SMC1A: variants seen among roughly 807,000 people sequenced by gnomAD.
The protein encoded by SMC1A is structural maintenance of chromosomes protein 1A.
A neutral mutation model predicts 94.5 loss-of-function variants in SMC1A; 4 were observed. The observed-to-expected ratio is 0.04, with a 90% CI of 0.02 to 0.10. The LOEUF (loss-of-function observed/expected upper bound fraction) is 0.10, where lower values mean the gene tolerates loss of function less well. SMC1A is among the 10% of genes least tolerant of loss of function. The probability of loss-of-function intolerance (pLI) is 1.00; values close to 1 mark genes in which losing one functional copy is unlikely to be tolerated. For synonymous variants in SMC1A, 345 were observed against 347.7 expected, an observed-to-expected ratio of 0.99 and a Z score of 0.09; for missense variants, 304 against 989.0, an observed-to-expected ratio of 0.31 and a Z score of 9.29.
chrX:53,383,137 C>T lies in SMC1A; in HGVS notation c.3090G>A (p.Lys1030=). 2.5e-6 allele frequency: 3 copies of T among 1,208,924 alleles called. No homozygotes were observed. The highest frequency in any genetic ancestry group is 3.4e-6 in the Non-Finnish European group (3 of 894,056). The part of the protein sequence containing the change: ...IAAPNMKAME[K]LESVRDKFQE... ...GGAACTTGTCTCGGACACTTTCCAG[C>T]TTTTCCATGGCCTTCATGTTGGGGG... Residue 1030 remains lysine, a synonymous_variant, in exon 20 of 25, where the codon AAG becomes AAA. Transcript: ENST00000322213.
intron 19 of SMC1A, among the ~76,000 whole-genome samples, chrX:53,385,847 TAAATC>T (rs1184688983): frequency 1.8e-5 from 2 of 112,011 alleles, no homozygotes; most frequent in Admixed American, 1.9e-4. Flanking sequence ...AAAGCAAAAT[TAAATC>T]AAAATGTGAA....
At chrX:53,381,123 C>T (rs372885975) in intron 22 of SMC1A, 36 bp from the exon 23 acceptor site, 58 of 376,834 alleles carry the variant, frequency 1.5e-4, no homozygotes, top group Non-Finnish European at 2.6e-4. Flanking sequence ...GACACTGAGG[C>T]GGGGAGGGGG....
At chrX:53,408,970 G>C (rs1447136071) in intron 9 of SMC1A, 92 bp downstream of exon 9, 7 of 864,056 alleles carry the variant, frequency 8.1e-6, no homozygotes, top group Admixed American at 2.3e-5. Context: ...AATAAAAATG[G>C]GATTGGCAAC....
intron 16 of SMC1A, among the ~76,000 whole-genome samples, chrX:53,397,372 G>A (rs1461134336): frequency 9.0e-6 from 1 of 111,606 alleles, no homozygotes; most frequent in African/African-American, 3.3e-5. Flanking sequence ...CTTGAGCCCA[G>A]GAGTTCGAGA....
In SMC1A at chrX:53,396,459, T is replaced by C. The variant is rs782266644; in HGVS notation, c.2708+13A>G. On this transcript the variant is annotated intron_variant, in intron 17 of 24. Coordinates refer to ENST00000322213, the MANE Select transcript of SMC1A (RefSeq NM_006306.4). ...TATCTACGTCCTCCCACCCCAGGCC[T>C]GAACCCACTCACTTGTTGGCGCCCC... 6 of 1,209,134 alleles carry C rather than the reference T, an allele frequency of 5.0e-6. No homozygotes were observed. The highest frequency in any genetic ancestry group is 4.4e-5 in the Admixed American group (2 of 45,591).
chrX:53,400,051 A>G (rs954137386), intron 15 of SMC1A, among the ~76,000 whole-genome samples: 3 of 112,018 alleles, frequency 2.7e-5, no homozygotes, highest in Non-Finnish European at 3.8e-5. Context: ...AAAAGAGTCC[A>G]TCTGATTCTA....
chrX:53,382,252 G>A lies in SMC1A; in HGVS notation c.3417C>T (p.Ala1139=). The change falls in exon 22 of 25, where the codon GCC becomes GCT. Residue 1139 remains alanine, a synonymous_variant. Coordinates refer to ENST00000322213, the MANE Select transcript of SMC1A (RefSeq NM_006306.4). ...CTTACCTGTGGATGGCAAAGAGCAG[G>A]GCCAGAGCTGCCACTGTCTTCTCCC... ...SGGEKTVAAL[A]LLFAIHSYKP... is the part of the protein sequence containing the mutation. 1 of 1,211,616 alleles carries A rather than the reference G, an allele frequency of 8.3e-7. No individual in the cohort carries two copies. Among genetic ancestry groups the A allele is most frequent in the East Asian group, 3.0e-5 (1 of 33,849 alleles).
Position 53,413,087 on chromosome X carries a change from G to A in SMC1A, c.667C>T (p.Leu223=). The stretch of plus-strand genomic sequence containing the variant: ...TTATGGTAAAGCTTAAAGAGCTGCA[G>A]CTGTACCTGAGCCCGTACTACCTCA... The part of the protein sequence containing the change: ...KDEVVRAQVQ[L]QLFKLYHNEV... The change falls in exon 5 of 25, where the codon CTG becomes TTG. Residue 223 remains leucine, a synonymous_variant. Coordinates refer to ENST00000322213, the MANE Select transcript of SMC1A (RefSeq NM_006306.4). 2 of 1,211,579 alleles carry A rather than the reference G, an allele frequency of 1.7e-6. No homozygotes were observed. The highest frequency in any genetic ancestry group is 2.2e-6 in the Non-Finnish European group (2 of 895,472).
intron 16 of SMC1A, among the ~76,000 whole-genome samples, chrX:53,398,741 C>T (rs1181539706): frequency 9.0e-6 from 1 of 111,318 alleles, no homozygotes; most frequent in African/African-American, 3.3e-5. Flanking sequence ...ATGTTACAAA[C>T]GTAGCATGAT....
intron 15 of SMC1A, among the ~76,000 whole-genome samples, chrX:53,403,171 C>CAA (rs59213412): frequency 6.7e-5 from 2 of 30,044 alleles, no homozygotes; most frequent in Non-Finnish European, 1.0e-4. Context: ...GATCCTGTGT[C>CAA]AAAAAAAAAA....
At chrX:53,380,248 T>A (rs2075576873) in intron 24 of SMC1A, 62 bp from the exon 25 acceptor site, 1 of 733,029 alleles carries the variant, frequency 1.4e-6, no homozygotes, top group Non-Finnish European at 2.1e-6. Flanking sequence ...AGGGGTCTAG[T>A]GCCCCAGGAC....
chrX:53,399,546 C>T (rs2075663807), intron 16 of SMC1A, 43 bp downstream of exon 16: 3 of 1,149,348 alleles, frequency 2.6e-6, no homozygotes, highest in Non-Finnish European at 3.6e-6. Context: ...TCCCATTTTT[C>T]CTCCCAGTTA....
intron 3 of SMC1A, among the ~76,000 whole-genome samples, chrX:53,413,651 A>C (rs1458739952): frequency 1.2e-4 from 13 of 111,985 alleles, no homozygotes; most frequent in African/African-American, 4.2e-4. Flanking sequence ...GCAGTAACAG[A>C]AGCAGCATAG....
At position 53,382,053 on chromosome X, in the gene SMC1A, G is replaced by C. The variant is rs2146582285; in HGVS notation, c.3437+179C>G. On this transcript the variant is annotated intron_variant, in intron 22 of 24. Coordinates refer to ENST00000322213, the MANE Select transcript of SMC1A (RefSeq NM_006306.4). ...CATGCTGAGCAGATGAGGGTGGATGGGGAAGACAGGTCCAGAAAAACCAAA... is the reference window on the plus strand; with the variant it reads ...CATGCTGAGCAGATGAGGGTGGATGCGGAAGACAGGTCCAGAAAAACCAAA... 3 of 518,262 alleles carry C rather than the reference G, an allele frequency of 5.8e-6. No individual in the cohort carries two copies. The South Asian group carries it at 8.4e-5, about 15-fold the overall frequency. 42.7% of individuals were successfully genotyped at this position (518,262 alleles called of 1,213,427 possible). A position where few individuals can be genotyped will look rare whatever the true frequency, so the allele number is the denominator to read the frequency against.
rs144850468 is a variant in SMC1A, at chrX:53,409,435, G to A, written c.1323C>T (p.Tyr441=). The A allele has an allele frequency of 3.1e-4, 377 of 1,204,537 alleles. 2 individuals carry two copies. The African/African-American group carries it at 5.7e-3, about 18-fold the overall frequency. The stretch of plus-strand genomic sequence containing the variant: ...GAGCTACATACTTGCTAGTGGTGAT[G>A]TATTCCTCCAGTTTCTCAATCCGCT... The part of the protein sequence containing the change: ...NQKRIEKLEE[Y]ITTSKQSLEE... The change falls in exon 8 of 25, where the codon TAC becomes TAT. Residue 441 remains tyrosine (Y), a synonymous_variant. Coordinates refer to ENST00000322213, the MANE Select transcript of SMC1A (RefSeq NM_006306.4).
chrX:53,407,675 A>G (rs991056301), intron 9 of SMC1A, among the ~76,000 whole-genome samples: 1 of 111,372 alleles, frequency 9.0e-6, no homozygotes. Flanking sequence ...ATCTGATGCT[A>G]TCTCCAGATA....
intron 9 of SMC1A, among the ~76,000 whole-genome samples, chrX:53,408,165 C>T (rs2075697998): frequency 9.0e-6 from 1 of 111,393 alleles, no homozygotes; most frequent in Non-Finnish European, 1.9e-5. Context: ...CCCGTCTCTA[C>T]TAAAAATACA....
chrX:53,390,569 A>G (rs2075624152), intron 19 of SMC1A, among the ~76,000 whole-genome samples: 2 of 111,064 alleles, frequency 1.8e-5, no homozygotes, highest in African/African-American at 6.5e-5. Flanking sequence ...GGTGATGGCT[A>G]TATGAGGGAG....
intron 3 of SMC1A, 33 bp from the exon 4 acceptor site, chrX:53,413,468 A>G (rs1556890857): frequency 8.7e-7 from 1 of 1,144,513 alleles, no homozygotes; most frequent in Non-Finnish European, 1.2e-6. Context: ...TCCACTTCAG[A>G]CCCCAGCCAA....
Sources: allele counts gnomAD v4.1 joint callset (sites outside exome capture counted in the v4.1 genomes callset), GRCh38; gene constraint gnomAD v4.1.1; transcripts MANE v1.5; gene names NCBI Gene and HGNC (gene_info 2026-07-23, HGNC 2026-07-21).